Variants in GRXCR1 observed in about 807,000 individuals in gnomAD.
The protein encoded by GRXCR1 is glutaredoxin domain-containing cysteine-rich protein 1.
A neutral mutation model predicts 27.3 loss-of-function variants in GRXCR1; 27 were observed. The ratio of observed to expected loss-of-function variants is 0.99; its 90% CI spans 0.73 to 1.37. The LOEUF (loss-of-function observed/expected upper bound fraction) is 1.37, where lower values mean the gene tolerates loss of function less well. Ranked by LOEUF, GRXCR1 falls within the 40% of genes most tolerant of loss-of-function variation. GRXCR1 has a pLI of 0.00. For missense variants in GRXCR1, 379 were observed against 354.4 expected (o/e 1.07, Z -0.56); for synonymous variants, 122 against 131.1 (o/e 0.93, Z 0.47).
intron 2 of GRXCR1, among the ~76,000 whole-genome samples, chr4:43,015,959 G>T (rs545905693): frequency 7.6e-4 from 115 of 152,174 alleles, no homozygotes; most frequent in Non-Finnish European, 1.3e-3. Flanking sequence ...CTGGATATCC[G>T]TACACAGATA....
At position 42,983,741 on chromosome 4, in the gene GRXCR1, T is replaced by C. The variant is rs139250341; in HGVS notation, c.627+20607T>C. Among the ~76,000 whole-genome samples the C allele has an allele frequency of 3.0e-4, 45 of 152,246 alleles. 1 individual carries two copies. The East Asian group carries it at 7.7e-3, about 26-fold the overall frequency. ...TATTTTAATGCTCTGCCATAAATCC[T>C]GTTAACTTTTTAAAATTCTTTTTTA... On this transcript the variant is annotated intron_variant, in intron 2 of 3. Coordinates refer to ENST00000399770, the MANE Select transcript of GRXCR1 (RefSeq NM_001080476.3).
intron 2 of GRXCR1, among the ~76,000 whole-genome samples, chr4:42,985,409 T>C (rs1261339799): frequency 6.6e-6 from 1 of 152,186 alleles, no homozygotes; most frequent in Non-Finnish European, 1.5e-5. Context: ...GGATTTTTTC[T>C]GAATCCTGGA....
chr4:42,948,335 C>G (rs1747796044), intron 1 of GRXCR1, among the ~76,000 whole-genome samples: 1 of 151,834 alleles, frequency 6.6e-6, no homozygotes, highest in Non-Finnish European at 1.5e-5. Flanking sequence ...ATCTCCCCTT[C>G]TTTAATGCAC....
chr4:42,933,273 A>T (rs1329094008), intron 1 of GRXCR1, among the ~76,000 whole-genome samples: 1 of 151,874 alleles, frequency 6.6e-6, no homozygotes, highest in African/African-American at 2.4e-5. Context: ...CCAGTGCTTT[A>T]TGGGGGAAAA....
At chr4:42,922,841 G>T (rs1034098916) in intron 1 of GRXCR1, among the ~76,000 whole-genome samples, 1 of 151,936 alleles carries the variant, frequency 6.6e-6, no homozygotes, top group African/African-American at 2.4e-5. Flanking sequence ...CTTTCATATG[G>T]TGCCAGCAAG....
chr4:42,991,331 A>G (rs12507102), intron 2 of GRXCR1, among the ~76,000 whole-genome samples: 7,266 of 152,086 alleles, frequency 0.048, 220 homozygotes, highest in African/African-American at 0.08. Flanking sequence ...ACCCATTTAT[A>G]TTTATTGTCT....
intron 2 of GRXCR1, among the ~76,000 whole-genome samples, chr4:42,994,539 A>C (rs1712085599): frequency 6.6e-6 from 1 of 152,140 alleles, no homozygotes; most frequent in Admixed American, 6.6e-5. Flanking sequence ...TTACCCCACA[A>C]ACTTTATTGA....
At chr4:42,906,652 C>A (rs1321385492) in intron 1 of GRXCR1, among the ~76,000 whole-genome samples, 1 of 152,138 alleles carries the variant, frequency 6.6e-6, no homozygotes, top group Non-Finnish European at 1.5e-5. Flanking sequence ...TGGTCACCAG[C>A]AAGCTTGTTT....
At chr4:43,002,880 A>C (rs1487347607) in intron 2 of GRXCR1, among the ~76,000 whole-genome samples, 1 of 152,198 alleles carries the variant, frequency 6.6e-6, no homozygotes, top group Non-Finnish European at 1.5e-5. Flanking sequence ...CTTCACCCAA[A>C]TCTCATGACA....
Position 43,004,523 on chromosome 4 carries a change from A to G in GRXCR1, c.628-15831A>G, listed in dbSNP as rs565486925. Among the ~76,000 whole-genome samples the G allele has an allele frequency of 9.2e-5, 14 of 152,368 alleles. No individual in the cohort carries two copies. In the South Asian group the frequency reaches 2.9e-3, roughly 32 times the overall value. ...AACCACAGGCACTCAACGACAGCCC[A>G]TGAAATCATCTGTGGGGGGTAACCC... On this transcript the variant is annotated intron_variant, in intron 2 of 3. Transcript: ENST00000399770.
intron 2 of GRXCR1, among the ~76,000 whole-genome samples, chr4:42,999,710 T>TA (rs1262488592): frequency 1.3e-5 from 2 of 152,214 alleles, no homozygotes; most frequent in East Asian, 3.8e-4. Flanking sequence ...TAGGAATTGT[T>TA]AAAAACCCAT....
At chr4:43,005,511 T>C (rs1712528496) in intron 2 of GRXCR1, among the ~76,000 whole-genome samples, 1 of 152,200 alleles carries the variant, frequency 6.6e-6, no homozygotes, top group Non-Finnish European at 1.5e-5. Context: ...TGGATCAGTT[T>C]TGACAATGAG....
chr4:42,939,232 G>T (rs1747540502), intron 1 of GRXCR1, among the ~76,000 whole-genome samples: 2 of 151,810 alleles, frequency 1.3e-5, no homozygotes, highest in African/African-American at 4.8e-5. Flanking sequence ...TTTTGGTTAA[G>T]TTTATTTCTA....
At chr4:43,002,475 A>G (rs969269145) in intron 2 of GRXCR1, among the ~76,000 whole-genome samples, 5 of 152,156 alleles carry the variant, frequency 3.3e-5, no homozygotes, top group African/African-American at 7.2e-5. Context: ...TATACAACAC[A>G]TGTTTTTGTG....
At chr4:42,955,098 T>A (rs936768058) in intron 1 of GRXCR1, among the ~76,000 whole-genome samples, 5 of 152,098 alleles carry the variant, frequency 3.3e-5, no homozygotes, top group Admixed American at 2.0e-4. Context: ...CTATTTAAAA[T>A]CGCTGTTCCT....
chr4:42,945,536 T>C (rs551174366), intron 1 of GRXCR1, among the ~76,000 whole-genome samples: 4 of 152,222 alleles, frequency 2.6e-5, no homozygotes, highest in African/African-American at 9.6e-5. Flanking sequence ...GCTTTGAAAA[T>C]AGAGAGAAAG....
intron 2 of GRXCR1, among the ~76,000 whole-genome samples, chr4:42,995,477 CCT>C (rs755713451): frequency 1.2e-4 from 18 of 151,766 alleles, no homozygotes; most frequent in African/African-American, 3.9e-4. Flanking sequence ...AAATATTTTC[CCT>C]GTCTTCTTTG....
At chr4:42,914,218 C>T (rs960588277) in intron 1 of GRXCR1, among the ~76,000 whole-genome samples, 1 of 152,196 alleles carries the variant, frequency 6.6e-6, no homozygotes, top group Non-Finnish European at 1.5e-5. Context: ...ATCTTACACC[C>T]TGCACCTGGA....
intron 2 of GRXCR1, among the ~76,000 whole-genome samples, chr4:43,017,334 C>T (rs1712960864): frequency 6.6e-6 from 1 of 152,228 alleles, no homozygotes; most frequent in Admixed American, 6.5e-5. Context: ...GAGCAGGCAG[C>T]TTGCAGGGTG....
Sources: allele counts gnomAD v4.1 joint callset (sites outside exome capture counted in the v4.1 genomes callset), GRCh38; gene constraint gnomAD v4.1.1; transcripts MANE v1.5; gene names NCBI Gene and HGNC (gene_info 2026-07-23, HGNC 2026-07-21).